PUM1: variants seen among roughly 807,000 people sequenced by gnomAD.
PUM1 encodes pumilio RNA binding family member 1.
In PUM1, 13 loss-of-function variants were observed where a neutral mutation model predicts 131.8. The ratio of observed to expected loss-of-function variants is 0.10; its 90% CI spans 0.06 to 0.16. PUM1 has a LOEUF of 0.16. PUM1 is among the 10% of genes least tolerant of loss of function. The pLI is 1.00. For synonymous variants in PUM1, 509 were observed against 556.5 expected (o/e 0.91, Z 1.20); for missense variants, 961 against 1,512.4 (o/e 0.64, Z 6.05).
chr1:30,958,574 G>A (rs1394269931), intron 14 of PUM1, among the ~76,000 whole-genome samples: 1 of 152,120 alleles, frequency 6.6e-6, no homozygotes, highest in African/African-American at 2.4e-5. Flanking sequence ...AGAAAGGGCG[G>A]GGGAGTAGGA....
chr1:31,002,650 G>T (rs768703492), intron 5 of PUM1, among the ~76,000 whole-genome samples: 2 of 152,028 alleles, frequency 1.3e-5, no homozygotes, highest in African/African-American at 2.4e-5. Context: ...TCTACTCCAA[G>T]AATAAATAAA....
In PUM1 at chr1:31,012,272, T is replaced by C. The variant is rs887599639; in HGVS notation, c.433-5170A>G. 4.6e-5 allele frequency among the ~76,000 whole-genome samples: 7 copies of C among 151,940 alleles called. No individual in the cohort carries two copies. The South Asian group carries it at 1.5e-3, about 32-fold the overall frequency. On this transcript the variant is annotated intron_variant, in intron 3 of 21. Coordinates refer to ENST00000426105, the MANE Select transcript of PUM1 (RefSeq NM_001020658.2). ...TTCATACATTAGCCTCTTGTTGTTC[T>C]GGTTAGTGTGGGGTCAATATCGCAA...
At chr1:31,017,524 C>CTT (rs747554543) in intron 3 of PUM1, among the ~76,000 whole-genome samples, 3 of 145,084 alleles carry the variant, frequency 2.1e-5, no homozygotes, top group African/African-American at 7.6e-5. Context: ...TTTTTTTCTT[C>CTT]TTTTTTTTTT....
intron 2 of PUM1, among the ~76,000 whole-genome samples, chr1:31,054,448 T>C (rs1644188209): frequency 6.6e-6 from 1 of 151,630 alleles, no homozygotes; most frequent in South Asian, 2.1e-4. Context: ...CATCACAGCC[T>C]GTGATATTCT....
Position 30,945,375 on chromosome 1 carries a change from G to T in PUM1, c.2965C>A (p.Gln989Lys), listed in dbSNP as rs1169569286. The change falls in exon 18 of 22, where the codon CAA becomes AAA. Residue 989 changes from glutamine to lysine, a missense_variant. Gln to Lys is a moderately conservative substitution (Grantham distance 53). Coordinates refer to ENST00000426105, the MANE Select transcript of PUM1 (RefSeq NM_001020658.2). ...CIECVQPQSL[Q>K]FIIDAFKGQV... ...CCCTTAAACGCATCGATGATAAATT[G>T]CAAAGACTGGGGCTGTACACATTCA... The T allele has an allele frequency of 1.9e-6, 3 of 1,614,004 alleles. No individual in the cohort carries two copies. In the African/African-American group the frequency reaches 4.0e-5, roughly 22 times the overall value.
chr1:30,946,080 C>T (rs1332074858), intron 17 of PUM1, among the ~76,000 whole-genome samples: 9 of 151,816 alleles, frequency 5.9e-5, no homozygotes, highest in African/African-American at 1.5e-4. Flanking sequence ...CCACCACACC[C>T]GGCCAACTCC....
At chr1:30,955,300 C>CCA (rs1553145557) in intron 14 of PUM1, among the ~76,000 whole-genome samples, 9 of 113,548 alleles carry the variant, frequency 7.9e-5, no homozygotes, top group African/African-American at 3.1e-4. Flanking sequence ...CTAAAAAATA[C>CCA]AAAAAAAAAA....
rs573864273 is a variant in PUM1 at position 31,048,644 on chromosome 1, T to G, written c.363+10560A>C. Among the ~76,000 whole-genome samples the G allele has an allele frequency of 6.2e-4, 94 of 151,472 alleles. 1 individual carries two copies. The highest frequency in any genetic ancestry group is 2.3e-3 in the African/African-American group (94 of 41,332). Reference sequence around the variant, plus strand: ...CGCGTGCCACCATGCCCAGCTAATTTTTTGTATTTTTAGTAGAGACGGGGT... The same window carrying G: ...CGCGTGCCACCATGCCCAGCTAATTGTTTGTATTTTTAGTAGAGACGGGGT... On this transcript the variant is annotated intron_variant, in intron 2 of 21. Coordinates refer to ENST00000426105, the MANE Select transcript of PUM1 (RefSeq NM_001020658.2).
At position 31,065,668 on chromosome 1, in the gene PUM1, G is replaced by A. The variant is rs1041415113; in HGVS notation, c.-64C>T. On this transcript the variant is annotated 5_prime_UTR_variant, in exon 1 of 22. Coordinates refer to ENST00000426105, the MANE Select transcript of PUM1 (RefSeq NM_001020658.2). ...TTCAGCCCCCCGATCTTCTCTCTCT[G>A]GCGCTCTCGCTCCCCCTTACCTTTC... 1.9e-6 allele frequency: 3 copies of A among 1,549,682 alleles called. No individual in the cohort carries two copies. The highest frequency in any genetic ancestry group is 1.4e-5 in the African/African-American group (1 of 72,968).
chr1:30,976,832 T>TAA (rs556880178), intron 9 of PUM1, among the ~76,000 whole-genome samples: 1 of 141,174 alleles, frequency 7.1e-6, no homozygotes, highest in Non-Finnish European at 1.6e-5. Context: ...TATTCAAGTT[T>TAA]AAAAAAAAAA....
At chr1:30,956,911 CTT>C (rs1252855965) in intron 14 of PUM1, among the ~76,000 whole-genome samples, 1 of 152,146 alleles carries the variant, frequency 6.6e-6, no homozygotes, top group East Asian at 1.9e-4. Flanking sequence ...TTAAGCCACT[CTT>C]TGTTGGATGT....
At chr1:30,961,339 G>A (rs1640396381) in intron 14 of PUM1, among the ~76,000 whole-genome samples, 1 of 137,104 alleles carries the variant, frequency 7.3e-6, no homozygotes, top group African/African-American at 2.7e-5. Context: ...GCAAGACTTA[G>A]TTTCTACAAA....
chr1:31,012,943 C>T (rs1296007536), intron 3 of PUM1, among the ~76,000 whole-genome samples: 1 of 152,138 alleles, frequency 6.6e-6, no homozygotes, highest in Non-Finnish European at 1.5e-5. Flanking sequence ...TGCTTTTTCT[C>T]ACCTATAAAA....
At position 31,065,650 on chromosome 1, in the gene PUM1, C is replaced by G; in HGVS notation, c.-46G>C. Reference sequence around the variant, plus strand: ...GGTAGGATGAAGATGGATTTCAGCCCCCCGATCTTCTCTCTCTGGCGCTCT... The same window carrying G: ...GGTAGGATGAAGATGGATTTCAGCCGCCCGATCTTCTCTCTCTGGCGCTCT... On this transcript the variant is annotated 5_prime_UTR_variant, in exon 1 of 22. Coordinates refer to ENST00000426105, the MANE Select transcript of PUM1 (RefSeq NM_001020658.2). The G allele has an allele frequency of 1.3e-6, 2 of 1,549,540 alleles. No homozygotes were observed. Among genetic ancestry groups the G allele is most frequent in the Non-Finnish European group, 1.7e-6 (2 of 1,146,840 alleles).
At chr1:30,990,191 G>C (rs769836117) in intron 7 of PUM1, among the ~76,000 whole-genome samples, 1 of 152,202 alleles carries the variant, frequency 6.6e-6, no homozygotes, top group Non-Finnish European at 1.5e-5. Flanking sequence ...ATTATAATAG[G>C]GATGGGGGAA....
chr1:30,993,665 C>T (rs746387594), intron 6 of PUM1, among the ~76,000 whole-genome samples: 2 of 152,126 alleles, frequency 1.3e-5, no homozygotes, highest in Non-Finnish European at 2.9e-5. Flanking sequence ...CATTTAAATA[C>T]AACAAAATAC....
intron 2 of PUM1, among the ~76,000 whole-genome samples, chr1:31,029,193 A>G (rs1643327057): frequency 6.6e-6 from 1 of 152,244 alleles, no homozygotes; most frequent in Non-Finnish European, 1.5e-5. Context: ...CATTCTGAAG[A>G]GCAATGATGC....
At chr1:31,055,797 G>A (rs1332487146) in intron 2 of PUM1, among the ~76,000 whole-genome samples, 3 of 152,106 alleles carry the variant, frequency 2.0e-5, no homozygotes, top group African/African-American at 4.8e-5. Context: ...GCAATAATCA[G>A]ATCTTAGAGC....
intron 19 of PUM1, 40 bp downstream of exon 19, chr1:30,941,958 C>A: frequency 1.3e-6 from 2 of 1,502,814 alleles, no homozygotes. Flanking sequence ...CTGCACAAGC[C>A]CACAGGTGTT....
Sources: allele counts gnomAD v4.1 joint callset (sites outside exome capture counted in the v4.1 genomes callset), GRCh38; gene constraint gnomAD v4.1.1; transcripts MANE v1.5; gene names NCBI Gene and HGNC (gene_info 2026-07-23, HGNC 2026-07-21).